Variants in SOCS7 observed in about 807,000 individuals in gnomAD.
The protein encoded by SOCS7 is suppressor of cytokine signaling 7, also known as NAP-4.
Under a neutral mutation model 58.9 loss-of-function variants are expected in SOCS7, and 18 were observed. The ratio of observed to expected loss-of-function variants is 0.31; its 90% confidence interval spans 0.21 to 0.45. The LOEUF (loss-of-function observed/expected upper bound fraction) is 0.45, where lower values mean the gene tolerates loss of function less well. Among genes scored for constraint, SOCS7 ranks in the 20% least tolerant of loss-of-function variants. The pLI is 1.00. For missense variants in SOCS7, 667 were observed against 837.3 expected, an observed-to-expected ratio of 0.80 and a Z score of 2.51; for synonymous variants, 388 against 364.3, an observed-to-expected ratio of 1.06 and a Z score of -0.74.
rs1221847587 is a variant in SOCS7, at chr17:38,402,734, AAAAT to A, written c.*3259_*3262del. 6.6e-6 allele frequency: 1 copy of A among 152,218 alleles called. No homozygotes were observed. Among genetic ancestry groups the A allele is most frequent in the Non-Finnish European group, 1.5e-5 (1 of 68,050 alleles). The allele number at this position is 152,218 out of a possible 1,614,324, so 9.4% of individuals were successfully genotyped here. Reference sequence around the variant, plus strand: ...GACAGAGTGAGACTCCATCTCAAAAAAAATAAATAATTTCTTTCTGGTTGTATTT... The same window carrying A: ...GACAGAGTGAGACTCCATCTCAAAAAAAATAATTTCTTTCTGGTTGTATTT... On this transcript the variant is annotated 3_prime_UTR_variant, in exon 10 of 10. Transcript: ENST00000612932.
chr17:38,385,213 T>C (rs952714163), intron 7 of SOCS7, among the ~76,000 whole-genome samples: 1 of 152,012 alleles, frequency 6.6e-6, no homozygotes, highest in African/African-American at 2.4e-5. Flanking sequence ...TTTTTTAATT[T>C]GTAGTTTTCT....
At chr17:38,371,185 C>G (rs1476653131) in intron 6 of SOCS7, among the ~76,000 whole-genome samples, 1 of 152,074 alleles carries the variant, frequency 6.6e-6, no homozygotes, top group Non-Finnish European at 1.5e-5. Context: ...ACGATCTCGG[C>G]TCACTGCAGT....
At chr17:38,389,868 C>CATATATATATATGTAT in intron 7 of SOCS7, among the ~76,000 whole-genome samples, 1 of 18,630 alleles carries the variant, frequency 5.4e-5, no homozygotes, top group Non-Finnish European at 1.0e-4. Context: ...TATGTGTGTA[C>CATATATATATATGTAT]ATATATATAT....
rs762433104 is a variant in SOCS7 at position 38,352,995 on chromosome 17, A to G, written c.943A>G (p.Met315Val). The G allele has an allele frequency of 5.6e-6, 9 of 1,602,384 alleles. No homozygotes were observed. Among genetic ancestry groups the G allele is most frequent in the East Asian group, 4.5e-5 (2 of 44,592 alleles). Residue 315 changes from methionine to valine, a missense_variant, in exon 1 of 10, where the codon ATG becomes GTG. Physicochemically the swap from Met to Val is conservative, Grantham distance 21. This residue lies in a region of SOCS7 where 208 missense variants were observed against 190.3 expected (regional missense o/e 1.09). Transcript: ENST00000612932. This position sits in a 1 kb window ranked among gnomAD's most constrained non-coding sequence, Gnocchi z 5.5. The part of the protein sequence containing the change: ...LAASAASLTD[M>V]GGSAGRELDA... ...TGCTTCAGCTGCGAGCCTGACAGAC[A>G]TGGGAGGCTCTGCGGGCCGGGAGCT...
chr17:38,373,135 C>G (rs2037889400), intron 6 of SOCS7, among the ~76,000 whole-genome samples: 1 of 151,422 alleles, frequency 6.6e-6, no homozygotes, highest in Non-Finnish European at 1.5e-5. Context: ...AAAAGAAAAG[C>G]ATACCTATAG....
At chr17:38,388,405 G>C (rs1251890267) in intron 7 of SOCS7, among the ~76,000 whole-genome samples, 6 of 151,986 alleles carry the variant, frequency 3.9e-5, no homozygotes, top group Non-Finnish European at 8.8e-5. Flanking sequence ...TGTAGTCCCA[G>C]CTACTCAGGA....
intron 7 of SOCS7, among the ~76,000 whole-genome samples, chr17:38,383,732 C>T (rs775435114): frequency 6.6e-6 from 1 of 152,042 alleles, no homozygotes; most frequent in Admixed American, 6.6e-5. Flanking sequence ...TTTTTAGAGA[C>T]GGGGTTTCAC....
In SOCS7 at chr17:38,366,361, C is replaced by A; in HGVS notation, c.1327C>A (p.Pro443Thr). Residue 443 changes from proline to threonine, a missense_variant, in exon 5 of 10, where the codon CCC becomes ACC. Physicochemically the swap from Pro to Thr is conservative, Grantham distance 38. Coordinates refer to ENST00000612932, the MANE Select transcript of SOCS7 (RefSeq NM_014598.4). ...HSQPPQHLQC[P>T]LYRPDSSSFA... ...CCAACCCCCACAGCACCTCCAGTGT[C>A]CCCTCTACCGGCCTGACTCGAGCAG... 6.2e-7 allele frequency: 1 copy of A among 1,614,218 alleles called. No individual in the cohort carries two copies. Among genetic ancestry groups the A allele is most frequent in the African/African-American group, 1.3e-5 (1 of 75,052 alleles).
chr17:38,390,818 C>G (rs1230188019), intron 7 of SOCS7, among the ~76,000 whole-genome samples: 1 of 151,614 alleles, frequency 6.6e-6, no homozygotes, highest in Admixed American at 6.6e-5. Context: ...ACTTCAGCCT[C>G]CTGTGTAGCT....
rs192644807 is a variant in SOCS7, at chr17:38,384,361, T to G, written c.1681+6519T>G. 1.8e-3 allele frequency among the ~76,000 whole-genome samples: 276 copies of G among 152,282 alleles called. 2 individuals carry two copies. Among genetic ancestry groups the G allele is most frequent in the Middle Eastern group, 6.8e-3 (2 of 294 alleles). ...CTCTGTCACTCAGGCTGGAGTACAG[T>G]AGTGCAATCATGCCTTGACCTCCCA... is the stretch of plus-strand genomic sequence containing the variant. On this transcript the variant is annotated intron_variant, in intron 7 of 9. Coordinates refer to ENST00000612932, the MANE Select transcript of SOCS7 (RefSeq NM_014598.4).
At chr17:38,387,105 A>ATATATATATATATATATATGTATG (rs2038080766) in intron 7 of SOCS7, among the ~76,000 whole-genome samples, 1 of 44,874 alleles carries the variant, frequency 2.2e-5, no homozygotes, top group Non-Finnish European at 3.8e-5. Flanking sequence ...AAAAAAAAAT[A>ATATATATATATATATATATGTATG]TATATATATA....
intron 1 of SOCS7, among the ~76,000 whole-genome samples, chr17:38,353,443 G>A (rs1051737681): frequency 1.3e-5 from 2 of 152,208 alleles, no homozygotes; most frequent in Non-Finnish European, 2.9e-5. Context: ...TACCAGCACC[G>A]CACCTCCCTT....
In SOCS7 at chr17:38,351,918, C is replaced by A. The variant is rs1036944489; in HGVS notation, c.-135C>A. Among the ~76,000 whole-genome samples, 4 of 151,340 alleles carry A rather than the reference C, an allele frequency of 2.6e-5. No homozygotes were observed. The highest frequency in any genetic ancestry group is 7.3e-5 in the African/African-American group (3 of 41,334). ...TGGGCTCCGCGCGCCCCCCGCCCCC[C>A]TCTATGAGGCAGAGGCCGCGGCGGC... On this transcript the variant is annotated 5_prime_UTR_variant, in exon 1 of 10. Transcript: ENST00000612932.
Position 38,364,787 on chromosome 17 carries a change from C to T in SOCS7, c.1081C>T (p.Gln361Ter). The change falls in exon 3 of 10, where the codon CAG (glutamine) becomes TAG (stop). Residue 361 changes from glutamine (Q) to a stop codon, truncating the protein, a stop_gained. Coordinates refer to ENST00000612932, the MANE Select transcript of SOCS7 (RefSeq NM_014598.4). LOFTEE classifies it high-confidence loss of function. The part of the protein sequence containing the change: ...TVSLVDVDIS[Q>*]RGLTSPHPPT... ...GTCGCTTGTGGATGTGGACATTTCT[C>T]AGCGGGGCCTGACCTCTCCACACCC... 6.2e-7 allele frequency: 1 copy of T among 1,614,112 alleles called. No homozygotes were observed. The highest frequency in any genetic ancestry group is 8.5e-7 in the Non-Finnish European group (1 of 1,180,006).
In SOCS7 at chr17:38,401,634, G is replaced by A. The variant is rs765262534; in HGVS notation, c.*2152G>A. On this transcript the variant is annotated 3_prime_UTR_variant, in exon 10 of 10. Coordinates refer to ENST00000612932, the MANE Select transcript of SOCS7 (RefSeq NM_014598.4). ...AGAAAATCAAGGACTATCTAAAGAC[G>A]TTTATAGTAGATAAGATCAGGGTAG... is the stretch of plus-strand genomic sequence containing the variant. The A allele has an allele frequency of 1.3e-5, 2 of 152,138 alleles. No homozygotes were observed. The highest frequency in any genetic ancestry group is 2.9e-5 in the Non-Finnish European group (2 of 68,036). The allele number at this position is 152,138 out of a possible 1,614,324, so 9.4% of individuals were successfully genotyped here. A position where few individuals can be genotyped will look rare whatever the true frequency, so the allele number is the denominator to read the frequency against.
chr17:38,390,613 A>G (rs1374159092), intron 7 of SOCS7, among the ~76,000 whole-genome samples: 1 of 150,460 alleles, frequency 6.6e-6, no homozygotes, highest in African/African-American at 2.5e-5. Flanking sequence ...TCTTTGAACA[A>G]TGTTTTATAT....
chr17:38,387,507 A>G (rs1055264385), intron 7 of SOCS7, among the ~76,000 whole-genome samples: 1 of 143,234 alleles, frequency 7.0e-6, no homozygotes, highest in African/African-American at 2.6e-5. Flanking sequence ...TAATATATAT[A>G]CACAATATAT....
intron 7 of SOCS7, 88 bp from the exon 8 acceptor site, chr17:38,395,221 T>TA: frequency 7.1e-7 from 1 of 1,410,100 alleles, no homozygotes; most frequent in Non-Finnish European, 9.8e-7. Flanking sequence ...GAAGTCCCAT[T>TA]TCCCCTCCCT....
In SOCS7 at chr17:38,352,306, C is replaced by A; in HGVS notation, c.254C>A (p.Pro85Gln). The part of the protein sequence containing the change: ...EEEDVEAAPE[P>Q]GPSELLCPRH... ...GAGGACGTGGAGGCGGCCCCGGAGC[C>A]GGGACCCTCGGAACTGCTGTGTCCC... The change falls in exon 1 of 10, where the codon CCG becomes CAG. Residue 85 changes from proline to glutamine, a missense_variant. Pro to Gln is a moderately conservative substitution (Grantham distance 76, BLOSUM62 -1). Around this residue, in one of 9 missense-constraint regions of SOCS7, gnomAD observed 154 missense variants for 156.3 expected, o/e 0.98. Transcript: ENST00000612932. The surrounding 1 kb of genome is among the most constrained non-coding windows in gnomAD (Gnocchi z 5.5). 1 of 1,485,852 alleles carries A rather than the reference C, an allele frequency of 6.7e-7. No individual in the cohort carries two copies. Among genetic ancestry groups the A allele is most frequent in the East Asian group, 2.9e-5 (1 of 34,636 alleles). 92.0% of individuals were successfully genotyped at this position (1,485,852 alleles called of 1,614,324 possible). A position where few individuals can be genotyped will look rare whatever the true frequency, so the allele number is the denominator to read the frequency against.
Sources: allele counts gnomAD v4.1 joint callset (sites outside exome capture counted in the v4.1 genomes callset), GRCh38; gene constraint gnomAD v4.1.1; regional missense constraint gnomAD v4.1.1; non-coding constraint Gnocchi (gnomAD v3.1); transcripts MANE v1.5; gene names NCBI Gene and HGNC (gene_info 2026-07-23, HGNC 2026-07-21).